GMDS: variants seen among roughly 807,000 people sequenced by gnomAD.
The protein encoded by GMDS is GDP-mannose 4,6 dehydratase.
In GMDS, 20 loss-of-function variants were observed where a neutral mutation model predicts 49.9. The ratio of observed to expected loss-of-function variants is 0.40; its 90% confidence interval spans 0.28 to 0.58. The LOEUF is 0.58. Ranked by LOEUF, GMDS falls within the 20% of genes least tolerant of loss-of-function variation. GMDS has a pLI of 0.42. For missense variants in GMDS, 362 were observed against 481.4 expected, an observed-to-expected ratio of 0.75 and a Z score of 2.32; for synonymous variants, 177 against 178.6, an observed-to-expected ratio of 0.99 and a Z score of 0.07.
chr6:2,133,712 A>G (rs1775856300), intron 1 of GMDS, among the ~76,000 whole-genome samples: 2 of 152,228 alleles, frequency 1.3e-5, no homozygotes, highest in Admixed American at 1.3e-4. Context: ...AATTACTGAA[A>G]AATAGACAAA....
chr6:1,740,213 T>G (rs76858598), intron 8 of GMDS, among the ~76,000 whole-genome samples: 6,434 of 152,264 alleles, frequency 0.042, 436 homozygotes, highest in African/African-American at 0.14. Context: ...TTAAAAAAAG[T>G]AATTAATGAG....
intron 9 of GMDS, among the ~76,000 whole-genome samples, chr6:1,713,738 G>A (rs1035182196): frequency 2.0e-5 from 3 of 152,120 alleles, no homozygotes; most frequent in Non-Finnish European, 2.9e-5. Context: ...AGGAAAATCA[G>A]CAACTGTTTT....
intron 4 of GMDS, among the ~76,000 whole-genome samples, chr6:2,079,763 T>C (rs766233487): frequency 1.3e-5 from 2 of 152,158 alleles, no homozygotes; most frequent in Non-Finnish European, 2.9e-5. Flanking sequence ...AGTTTGACTA[T>C]AATGTGCCAA....
chr6:1,915,069 A>G (rs1308846142), intron 7 of GMDS, among the ~76,000 whole-genome samples: 1 of 152,230 alleles, frequency 6.6e-6, no homozygotes, highest in East Asian at 1.9e-4. Context: ...GAGGCCTCGC[A>G]TGCCCTTAGA....
intron 9 of GMDS, among the ~76,000 whole-genome samples, chr6:1,689,764 T>C (rs1265941189): frequency 6.6e-6 from 1 of 152,200 alleles, no homozygotes; most frequent in African/African-American, 2.4e-5. Flanking sequence ...GTCTAGCAAA[T>C]GATCACCTCA....
chr6:1,793,408 T>G (rs1194258505), intron 7 of GMDS, among the ~76,000 whole-genome samples: 1 of 152,208 alleles, frequency 6.6e-6, no homozygotes, highest in African/African-American at 2.4e-5. Flanking sequence ...CCATTTCCCC[T>G]TAAAGTAGGC....
chr6:2,163,432 T>C (rs889507225), intron 1 of GMDS, among the ~76,000 whole-genome samples: 1 of 145,346 alleles, frequency 6.9e-6, no homozygotes, highest in African/African-American at 2.9e-5. Flanking sequence ...TGTGTGTGTG[T>C]GTGTGAGAGA....
rs139085825 is a variant in GMDS at position 2,132,223 on chromosome 6, G to A, written c.103-7492C>T. ...GGCAATTTGCTTCACTAATAGGATCGATCCCTCTATAATGGATCCTATTAG... is the reference window on the plus strand; with the variant it reads ...GGCAATTTGCTTCACTAATAGGATCAATCCCTCTATAATGGATCCTATTAG... On this transcript the variant is annotated intron_variant, in intron 1 of 10. Coordinates refer to ENST00000380815, the MANE Select transcript of GMDS (RefSeq NM_001500.4). 6.4e-3 allele frequency among the ~76,000 whole-genome samples: 970 copies of A among 152,142 alleles called. 12 individuals are homozygous for A. Among genetic ancestry groups the A allele is most frequent in the African/African-American group, 0.022 (929 of 41,486 alleles).
intron 9 of GMDS, among the ~76,000 whole-genome samples, chr6:1,661,337 G>A (rs1030269197): frequency 3.9e-5 from 6 of 152,184 alleles, no homozygotes; most frequent in African/African-American, 1.2e-4. Flanking sequence ...CTAATAACAC[G>A]CAAGGACTAT....
rs1307953462 is a variant in GMDS, at chr6:1,944,665, G to A, written c.644-14435C>T. Among the ~76,000 whole-genome samples, 661 of 80,734 alleles carry A rather than the reference G, an allele frequency of 8.2e-3. 6 individuals carry two copies. Among genetic ancestry groups the A allele is most frequent in the African/African-American group, 0.034 (630 of 18,626 alleles). 53.0% of individuals were successfully genotyped at this position (80,734 alleles called of 152,430 possible). On this transcript the variant is annotated intron_variant, in intron 6 of 10. Transcript: ENST00000380815. ...AGCCTGGGTGACAGAGCGAGACTCC[G>A]TCTCAAAAAAAAAAAAAAAAAAAAA...
intron 7 of GMDS, among the ~76,000 whole-genome samples, chr6:1,897,781 G>A (rs1314550017): frequency 6.6e-6 from 1 of 152,124 alleles, no homozygotes; most frequent in Non-Finnish European, 1.5e-5. Context: ...CTCTATGTAC[G>A]TACTCATTAA....
chr6:1,657,859 AAAAAAAAAAAG>A (rs1279914660), intron 9 of GMDS, among the ~76,000 whole-genome samples: 1 of 143,850 alleles, frequency 7.0e-6, no homozygotes, highest in East Asian at 2.0e-4. Flanking sequence ...CAAGCAAAAA[AAAAAAAAAAAG>A]AAAAAGAAAA....
intron 1 of GMDS, among the ~76,000 whole-genome samples, chr6:2,235,453 C>T (rs1336113510): frequency 6.6e-6 from 1 of 152,136 alleles, no homozygotes; most frequent in Non-Finnish European, 1.5e-5. Flanking sequence ...TTTTGTTCTT[C>T]AAGCAAAAAG....
intron 1 of GMDS, among the ~76,000 whole-genome samples, chr6:2,150,374 CCTTT>C (rs758445153): frequency 5.3e-4 from 81 of 152,162 alleles, no homozygotes; most frequent in Non-Finnish European, 1.0e-3. Flanking sequence ...CAGTGAGACT[CCTTT>C]CTATTTTAAA....
chr6:2,118,357 T>C lies in GMDS; in HGVS notation c.148-801A>G, dbSNP rs1774964348. Among the ~76,000 whole-genome samples the C allele has an allele frequency of 2.6e-5, 4 of 152,206 alleles. No individual in the cohort carries two copies. The South Asian group carries it at 8.3e-4, about 31-fold the overall frequency. On this transcript the variant is annotated intron_variant, in intron 2 of 10. Coordinates refer to ENST00000380815, the MANE Select transcript of GMDS (RefSeq NM_001500.4). ...TTGTGCTGCCAATGCTAACACCAGC[T>C]TGTCACCAGCTGCCCAAGTTCCAGT...
chr6:1,934,222 TTGA>T (rs1407007791), intron 6 of GMDS, among the ~76,000 whole-genome samples: 1 of 152,252 alleles, frequency 6.6e-6, no homozygotes, highest in African/African-American at 2.4e-5. Context: ...TTCGATTTCA[TTGA>T]TGTACTTACT....
At chr6:2,214,250 T>C (rs1205573279) in intron 1 of GMDS, among the ~76,000 whole-genome samples, 1 of 152,220 alleles carries the variant, frequency 6.6e-6, no homozygotes, top group Non-Finnish European at 1.5e-5. Flanking sequence ...CATTAAAAAC[T>C]GGTAAAGAAA....
Position 1,635,444 on chromosome 6 carries a change from A to G in GMDS, c.988-10904T>C, listed in dbSNP as rs1463164638. ...GGAAGTCCGAGAGGGGGCCTTTCAC[A>G]TGACATCATAAAAGCCTGATTTATC... On this transcript the variant is annotated intron_variant, in intron 9 of 10. Coordinates refer to ENST00000380815, the MANE Select transcript of GMDS (RefSeq NM_001500.4). This position sits in a 1 kb window ranked among gnomAD's most constrained non-coding sequence, Gnocchi z 4.7. 6.6e-6 allele frequency among the ~76,000 whole-genome samples: 1 copy of G among 152,224 alleles called. No individual in the cohort carries two copies. Among genetic ancestry groups the G allele is most frequent in the East Asian group, 1.9e-4 (1 of 5,190 alleles).
intron 4 of GMDS, among the ~76,000 whole-genome samples, chr6:2,076,916 A>T (rs1198020485): frequency 4.6e-5 from 7 of 152,118 alleles, no homozygotes; most frequent in Admixed American, 3.9e-4. Context: ...CAAATGCTAT[A>T]AATTCTTTTG....
Sources: gnomAD v4.1 joint callset for allele counts (sites outside exome capture counted in the v4.1 genomes callset) on GRCh38, gnomAD v4.1.1 for gene constraint, Gnocchi (gnomAD v3.1) non-coding constraint, MANE v1.5 for transcripts, NCBI Gene and HGNC (gene_info 2026-07-23, HGNC 2026-07-21) for gene names.